Variants in PLPPR5 observed in about 807,000 individuals in gnomAD.
PLPPR5 encodes phospholipid phosphatase related 5.
PLPPR5 carries 16 observed loss-of-function variants against 33.9 expected under a neutral mutation model. The ratio of observed to expected loss-of-function variants is 0.47; its 90% CI spans 0.32 to 0.72. PLPPR5 has a LOEUF of 0.72. Ranked by LOEUF, PLPPR5 falls within the 30% of genes least tolerant of loss-of-function variation. The pLI, the probability that PLPPR5 is intolerant of heterozygous loss-of-function variation, is 0.03. For synonymous variants in PLPPR5, 163 were observed against 150.3 expected (o/e 1.08, Z -0.62); for missense variants, 301 against 406.7 (o/e 0.74, Z 2.23).
rs114114638 is a variant in PLPPR5, at chr1:98,908,075, C to T, written c.933+6711G>A. Among the ~76,000 whole-genome samples, 510 of 152,324 alleles carry T rather than the reference C, an allele frequency of 3.3e-3. 1 individual carries two copies. The highest frequency in any genetic ancestry group is 0.012 in the African/African-American group (481 of 41,564). ...GTAGTTGCTTATTTGCTAACTCTGT[C>T]TCAAAATGGTGTTGATCCAAGGTGT... On this transcript the variant is annotated intron_variant, in intron 5 of 5. Coordinates refer to ENST00000263177, the MANE Select transcript of PLPPR5 (RefSeq NM_001037317.2).
At position 99,000,740 on chromosome 1, in the gene PLPPR5, T is replaced by C. The variant is rs904078643; in HGVS notation, c.237+3695A>G. Among the ~76,000 whole-genome samples the C allele has an allele frequency of 3.3e-5, 5 of 152,214 alleles. No individual in the cohort carries two copies. The South Asian group carries it at 1.0e-3, about 32-fold the overall frequency. ...GGTCTTTGTGGTATATACAGATGCA[T>C]GGATATGCATATATACATACATATG... On this transcript the variant is annotated intron_variant, in intron 1 of 5. Transcript: ENST00000263177.
At chr1:98,900,366 C>T (rs10875195) in intron 5 of PLPPR5, among the ~76,000 whole-genome samples, 98,579 of 151,876 alleles carry the variant, frequency 0.65, 32,147 homozygotes, top group East Asian at 0.74. Flanking sequence ...CCTAAGATGA[C>T]GTTTCAAGCA....
chr1:98,912,653 T>A (rs957961522), intron 5 of PLPPR5, among the ~76,000 whole-genome samples: 2 of 152,160 alleles, frequency 1.3e-5, no homozygotes, highest in African/African-American at 4.8e-5. Flanking sequence ...AGCTGGGCAG[T>A]CATGAATATA....
chr1:98,990,808 C>T (rs1000814361), intron 1 of PLPPR5: 14 of 151,536 alleles, frequency 9.2e-5, no homozygotes, highest in African/African-American at 3.4e-4. Context: ...CATTCAAGTG[C>T]CCAGGAAATT....
At chr1:98,930,700 C>T (rs12239283) in intron 3 of PLPPR5, among the ~76,000 whole-genome samples, 2,298 of 152,148 alleles carry the variant, frequency 0.015, 23 homozygotes, top group African/African-American at 0.026. Context: ...GTGCTTATAA[C>T]GTATTTCTGA....
At chr1:98,993,805 G>C (rs1333278377) in intron 1 of PLPPR5, among the ~76,000 whole-genome samples, 2 of 151,982 alleles carry the variant, frequency 1.3e-5, no homozygotes, top group African/African-American at 4.8e-5. Flanking sequence ...ATATGAAATG[G>C]ATATTAGAAA....
intron 1 of PLPPR5, among the ~76,000 whole-genome samples, chr1:98,965,210 T>G (rs1651393809): frequency 1.3e-5 from 2 of 152,110 alleles, no homozygotes. Context: ...TTTACCTCAT[T>G]GGGAGGAAGA....
At chr1:98,960,379 T>A (rs1315899060) in intron 1 of PLPPR5, among the ~76,000 whole-genome samples, 1 of 152,120 alleles carries the variant, frequency 6.6e-6, no homozygotes, top group Non-Finnish European at 1.5e-5. Context: ...AATTTTTGTA[T>A]TTTTAGTAGA....
intron 1 of PLPPR5, among the ~76,000 whole-genome samples, chr1:99,001,979 G>A (rs571005394): frequency 9.0e-4 from 137 of 151,912 alleles, no homozygotes; most frequent in Admixed American, 3.7e-3. Context: ...AAGGATATAA[G>A]GTATGTAGAA....
chr1:98,905,961 G>A (rs1048789873), intron 5 of PLPPR5, among the ~76,000 whole-genome samples: 1 of 152,056 alleles, frequency 6.6e-6, no homozygotes, highest in Non-Finnish European at 1.5e-5. Context: ...AATAGATAGA[G>A]TAGGATAGAG....
In PLPPR5 at chr1:98,921,970, G is replaced by C. The variant is rs140848611; in HGVS notation, c.710C>G (p.Thr237Ser). The change falls in exon 4 of 6, where the codon ACT (threonine) becomes AGT (serine). Residue 237 changes from threonine to serine, a missense_variant. Thr to Ser is a moderately conservative substitution (Grantham distance 58). Transcript: ENST00000263177. ...ATATTCTGCTACTCTGTTGAGTCCA[G>C]TAAGAAATGCCAAACACATTAAGCC... ...CLGLMCLAFL[T>S]GLNRVAEYRN... The C allele has an allele frequency of 6.2e-7, 1 of 1,613,498 alleles. No homozygotes were observed.
intron 1 of PLPPR5, among the ~76,000 whole-genome samples, chr1:98,986,618 T>TA (rs1252538315): frequency 2.6e-5 from 4 of 151,892 alleles, no homozygotes; most frequent in African/African-American, 9.7e-5. Context: ...AGGAAAAGTA[T>TA]AGGCCAAAAA....
At chr1:98,924,852 T>C (rs928388486) in intron 3 of PLPPR5, among the ~76,000 whole-genome samples, 1 of 152,224 alleles carries the variant, frequency 6.6e-6, no homozygotes, top group Non-Finnish European at 1.5e-5. Context: ...ATTTGGCTTT[T>C]CCCTCCATCA....
chr1:98,975,557 T>C (rs1651820711), intron 1 of PLPPR5, among the ~76,000 whole-genome samples: 2 of 152,066 alleles, frequency 1.3e-5, no homozygotes, highest in Admixed American at 1.3e-4. Context: ...ACATGTTATT[T>C]GGAGATTGCA....
rs368742295 is a variant in PLPPR5 at position 98,938,160 on chromosome 1, G to A, written c.621+14910C>T. 3.8e-4 allele frequency among the ~76,000 whole-genome samples: 57 copies of A among 150,128 alleles called. 1 individual carries two copies. The South Asian group carries it at 0.011, about 28-fold the overall frequency. On this transcript the variant is annotated intron_variant, in intron 3 of 5. Transcript: ENST00000263177. ...TTTTGAAAAAAAGCAAAAAGAAAAAGGAAAAAAAAAGACATGATAGCATAG... is the reference window on the plus strand; with the variant it reads ...TTTTGAAAAAAAGCAAAAAGAAAAAAGAAAAAAAAAGACATGATAGCATAG...
intron 3 of PLPPR5, among the ~76,000 whole-genome samples, chr1:98,935,599 A>G (rs147869657): frequency 6.6e-6 from 1 of 152,344 alleles, no homozygotes; most frequent in East Asian, 1.9e-4. Context: ...CTATGATTCT[A>G]TGTTAAAAAT....
chr1:98,933,310 C>T (rs1223724485), intron 3 of PLPPR5, among the ~76,000 whole-genome samples: 1 of 151,680 alleles, frequency 6.6e-6, no homozygotes, highest in Non-Finnish European at 1.5e-5. Flanking sequence ...GGTGAAACCC[C>T]ATCTCTACTA....
At chr1:98,930,240 A>C (rs1354663633) in intron 3 of PLPPR5, among the ~76,000 whole-genome samples, 1 of 152,194 alleles carries the variant, frequency 6.6e-6, no homozygotes, top group Non-Finnish European at 1.5e-5. Context: ...AGGGACAAGA[A>C]ATTAATAGTA....
chr1:98,987,919 T>C (rs538546194), intron 1 of PLPPR5, among the ~76,000 whole-genome samples: 148 of 152,208 alleles, frequency 9.7e-4, no homozygotes, highest in Non-Finnish European at 1.7e-3. Flanking sequence ...TATACTTTCA[T>C]GAACAAAAAT....
Sources: allele counts gnomAD v4.1 joint callset (sites outside exome capture counted in the v4.1 genomes callset), GRCh38; gene constraint gnomAD v4.1.1; transcripts MANE v1.5; gene names NCBI Gene and HGNC (gene_info 2026-07-23, HGNC 2026-07-21).